TMEM131: variants seen among roughly 807,000 people sequenced by gnomAD.
The protein encoded by TMEM131 is transmembrane protein 131, also known as 2610524E03Rik.
A neutral mutation model predicts 211.6 loss-of-function variants in TMEM131; 66 were observed. The ratio of observed to expected loss-of-function variants is 0.31; its 90% CI spans 0.26 to 0.38. The LOEUF is 0.38. TMEM131 is among the 10% of genes least tolerant of loss of function. TMEM131 has a pLI of 1.00. For synonymous variants in TMEM131, 844 were observed against 841.3 expected, an observed-to-expected ratio of 1.00 and a Z score of -0.06; for missense variants, 2,036 against 2,299.3, an observed-to-expected ratio of 0.89 and a Z score of 2.34.
At chr2:97,766,072 TG>T in intron 35 of TMEM131, 41 bp downstream of exon 35, 3 of 1,608,256 alleles carry the variant, frequency 1.9e-6, no homozygotes, top group Non-Finnish European at 2.6e-6. Flanking sequence ...GGGTGGATTG[TG>T]GGTAAGTGGA....
intron 5 of TMEM131, among the ~76,000 whole-genome samples, chr2:97,845,349 G>A (rs1174464298): frequency 6.6e-6 from 1 of 152,010 alleles, no homozygotes; most frequent in Non-Finnish European, 1.5e-5. Context: ...TTGACTGTGT[G>A]AACTTGCACG....
At chr2:97,800,175 A>T (rs1680961500) in intron 25 of TMEM131, among the ~76,000 whole-genome samples, 1 of 152,182 alleles carries the variant, frequency 6.6e-6, no homozygotes, top group Admixed American at 6.5e-5. Context: ...AATAATTTTA[A>T]GACTGCAAGG....
chr2:97,764,738 A>G (rs575702084), intron 35 of TMEM131: 3 of 152,358 alleles, frequency 2.0e-5, no homozygotes, highest in African/African-American at 7.2e-5. Flanking sequence ...TGGCACCAAA[A>G]TCTCCTGTCT....
Position 97,812,531 on chromosome 2 carries a change from T to G in TMEM131, c.1753A>C (p.Ile585Leu). Reference protein sequence around the residue: ...IELAIKSWHIIGDGLSIELVA... With the variant: ...IELAIKSWHILGDGLSIELVA... ...AGTTCTATTGATAAACCGTCTCCTA[T>G]GATATGCCAACTTTTTATAGCCAAC... The change falls in exon 17 of 41, where the codon ATA (isoleucine) becomes CTA (leucine). Residue 585 changes from isoleucine (I) to leucine (L), a missense_variant. Transcript: ENST00000186436. The G allele has an allele frequency of 6.2e-7, 1 of 1,607,484 alleles. No individual in the cohort carries two copies.
chr2:97,792,540 G>A lies in TMEM131; in HGVS notation c.3990C>T (p.Ser1330=). 1 of 1,613,560 alleles carries A rather than the reference G, an allele frequency of 6.2e-7. No homozygotes were observed. The highest frequency in any genetic ancestry group is 8.5e-7 in the Non-Finnish European group (1 of 1,179,700). The stretch of plus-strand genomic sequence containing the variant: ...TCGCGCTGCTGGCACGTTCTGGGTG[G>A]GAAGGGTGTGCGAGGGGGGCGGGAG... ...RLSPAPLAHP[S]HPERASSARH... is the part of the protein sequence containing the mutation. Residue 1330 remains serine, a synonymous_variant, in exon 31 of 41, where the codon TCC becomes TCT. Transcript: ENST00000186436.
chr2:97,815,482 GA>G (rs1559377234), intron 12 of TMEM131, among the ~76,000 whole-genome samples, 175 bp from the exon 13 acceptor site: 1 of 152,044 alleles, frequency 6.6e-6, no homozygotes, highest in African/African-American at 2.4e-5. Context: ...ACAAAAGGGG[GA>G]AAATGTTTTA....
chr2:97,938,232 G>C (rs1370080273), intron 1 of TMEM131, among the ~76,000 whole-genome samples: 1 of 152,104 alleles, frequency 6.6e-6, no homozygotes, highest in Non-Finnish European at 1.5e-5. Context: ...ACACAGACTG[G>C]CAAATTGGAT....
intron 4 of TMEM131, 70 bp from the exon 5 acceptor site, chr2:97,859,497 AT>A (rs1426255910): frequency 7.5e-7 from 1 of 1,328,716 alleles, no homozygotes; most frequent in African/African-American, 1.5e-5. Flanking sequence ...TTGTTAAAAA[AT>A]TAATCAAAAT....
intron 11 of TMEM131, among the ~76,000 whole-genome samples, chr2:97,829,792 C>T (rs1232621384): frequency 6.6e-6 from 1 of 152,158 alleles, no homozygotes; most frequent in Non-Finnish European, 1.5e-5. Flanking sequence ...TCTGGACACA[C>T]AATGAAGGCT....
intron 1 of TMEM131, among the ~76,000 whole-genome samples, chr2:97,942,976 G>GA (rs1553617750): frequency 1.9e-3 from 185 of 99,306 alleles, no homozygotes; most frequent in African/African-American, 7.0e-3. Context: ...AAGAAAGAAA[G>GA]AAAGAAAGAA....
At chr2:97,769,776 A>G (rs1053187486) in intron 33 of TMEM131, among the ~76,000 whole-genome samples, 2 of 152,168 alleles carry the variant, frequency 1.3e-5, no homozygotes, top group African/African-American at 4.8e-5. Flanking sequence ...AGTGCCTGAG[A>G]TCTGATTCCC....
intron 4 of TMEM131, among the ~76,000 whole-genome samples, chr2:97,861,219 A>G (rs1027564249): frequency 1.3e-5 from 2 of 151,974 alleles, no homozygotes; most frequent in Non-Finnish European, 2.9e-5. Context: ...CGCAATTCCT[A>G]AGAGAGTCCT....
chr2:97,972,485 AAGGCGGGCAGGC>A lies in TMEM131; in HGVS notation c.187+22979_187+22990del, dbSNP rs755432320. On this transcript the variant is annotated intron_variant, in intron 1 of 40. Coordinates refer to ENST00000186436, the MANE Select transcript of TMEM131 (RefSeq NM_015348.2). ...GAGGGAAGGCGGGCGGGAGGGAGGG[AAGGCGGGCAGGC>A]AGGCGGGCAGGCAGGCAGGCAGGCA... Among the ~76,000 whole-genome samples the A allele has an allele frequency of 2.5e-3, 371 of 146,084 alleles. 1 individual carries two copies. Among genetic ancestry groups the A allele is most frequent in the African/African-American group, 5.3e-3 (208 of 39,374 alleles).
At chr2:97,858,896 T>C (rs1673953411) in intron 5 of TMEM131, among the ~76,000 whole-genome samples, 3 of 152,348 alleles carry the variant, frequency 2.0e-5, no homozygotes, top group South Asian at 4.1e-4. Context: ...TAATTCAGCC[T>C]GATACACTGA....
intron 2 of TMEM131, among the ~76,000 whole-genome samples, chr2:97,921,433 T>C (rs772883101): frequency 5.3e-5 from 8 of 152,110 alleles, no homozygotes; most frequent in African/African-American, 7.2e-5. Flanking sequence ...GACCTTGGGA[T>C]AGAAAAACAT....
At chr2:97,924,077 C>T (rs1220739427) in intron 2 of TMEM131, among the ~76,000 whole-genome samples, 1 of 140,042 alleles carries the variant, frequency 7.1e-6, no homozygotes, top group Non-Finnish European at 1.6e-5. Flanking sequence ...GAGACCCCAT[C>T]TCAAAAAAAA....
intron 1 of TMEM131, among the ~76,000 whole-genome samples, chr2:97,936,342 T>C (rs1207283160): frequency 6.6e-6 from 1 of 152,238 alleles, no homozygotes; most frequent in Non-Finnish European, 1.5e-5. Flanking sequence ...GCTCTGGCTC[T>C]GCCTGTGCTC....
In TMEM131 at chr2:97,759,055, T is replaced by C. The variant is rs748880051; in HGVS notation, c.5207-2A>G. 1.4e-5 allele frequency: 23 copies of C among 1,614,042 alleles called. No homozygotes were observed. The highest frequency in any genetic ancestry group is 1.8e-5 in the Non-Finnish European group (21 of 1,179,890). On this transcript the variant is annotated splice_acceptor_variant, in intron 39 of 40. Coordinates refer to ENST00000186436, the MANE Select transcript of TMEM131 (RefSeq NM_015348.2). LOFTEE classifies it high-confidence loss of function. The stretch of plus-strand genomic sequence containing the variant: ...ATAATCCGAGTTTGCTGAAAACTTC[T>C]GGAAATAAAGCAACAGTCATCAAGT...
chr2:97,760,809 G>C lies in TMEM131; in HGVS notation c.4995C>G (p.Gly1665=). Residue 1665 remains glycine, a synonymous_variant, in exon 37 of 41, where the codon GGC becomes GGG. Coordinates refer to ENST00000186436, the MANE Select transcript of TMEM131 (RefSeq NM_015348.2). ...GGCACTGACCTGGGCTCTTGTCGTA[G>C]CCAGCCGTGACTGCAGCAAAAGTGG... ...GNPTFAAVTA[G]YDKSPGGNGF... 1 of 1,614,044 alleles carries C rather than the reference G, an allele frequency of 6.2e-7. No individual in the cohort carries two copies. Among genetic ancestry groups the C allele is most frequent in the Non-Finnish European group, 8.5e-7 (1 of 1,179,892 alleles).
Sources: gnomAD v4.1 joint callset for allele counts (sites outside exome capture counted in the v4.1 genomes callset) on GRCh38, gnomAD v4.1.1 for gene constraint, MANE v1.5 for transcripts, NCBI Gene and HGNC (gene_info 2026-07-23, HGNC 2026-07-21) for gene names.